TRAF3IP3: variants seen among roughly 807,000 people sequenced by gnomAD.
TRAF3IP3 encodes TRAF3-interacting JNK-activating modulator.
TRAF3IP3 carries 64 observed loss-of-function variants against 86.5 expected under a neutral mutation model. The observed-to-expected ratio is 0.74, with a 90% confidence interval of 0.60 to 0.91. The LOEUF (loss-of-function observed/expected upper bound fraction) is 0.91. TRAF3IP3 is among the 40% of genes least tolerant of loss of function. The pLI, the probability that TRAF3IP3 is intolerant of heterozygous loss-of-function variation, is 0.00. For missense variants in TRAF3IP3, 579 were observed against 642.9 expected (o/e 0.90, Z 1.07); for synonymous variants, 220 against 243.9 (o/e 0.90, Z 0.91).
chr1:209,781,438 A>T lies in TRAF3IP3; in HGVS notation c.1543A>T (p.Ser515Cys). Residue 515 changes from serine (S) to cysteine (C), a missense_variant, in exon 16 of 17, where the codon AGC becomes TGC. Ser to Cys is a moderately radical substitution (Grantham distance 112, BLOSUM62 -1). Transcript: ENST00000367025. ...LQHCREELNQ[S>C]QQLPPRRQCG... ...GCACTGTCGAGAAGAGCTGAACCAG[A>T]GCCAGCAGCTGCCTCCCAGAGTAAG... 6.2e-7 allele frequency: 1 copy of T among 1,613,436 alleles called. No individual in the cohort carries two copies. The highest frequency in any genetic ancestry group is 1.1e-5 in the South Asian group (1 of 91,060).
chr1:209,763,951 G>A (rs1045776095), intron 8 of TRAF3IP3, among the ~76,000 whole-genome samples: 3 of 152,092 alleles, frequency 2.0e-5, no homozygotes, highest in African/African-American at 7.2e-5. Flanking sequence ...GATATTTATC[G>A]AAACCAGCAT....
At position 209,780,597 on chromosome 1, in the gene TRAF3IP3, G is replaced by C; in HGVS notation, c.1440G>C (p.Lys480Asn). The C allele has an allele frequency of 6.3e-7, 1 of 1,587,746 alleles. No homozygotes were observed. The highest frequency in any genetic ancestry group is 8.6e-7 in the Non-Finnish European group (1 of 1,164,502). Residue 480 changes from lysine to asparagine, a missense_variant, in exon 15 of 17, where the codon AAG becomes AAC. Transcript: ENST00000367025. ...LQKKTLQLQA[K>N]EKECRELHSE... ...AGAAGACTTTGCAGCTCCAGGCCAA[G>C]GAAAAGGAGGTGAGAGGGTGACCTG...
chr1:209,763,619 T>TCA (rs34406510), intron 8 of TRAF3IP3, 32 bp downstream of exon 8: 402,401 of 1,559,776 alleles, frequency 0.26, 59,565 homozygotes, highest in African/African-American at 0.67. Flanking sequence ...TGAACAAAGC[T>TCA]TGGGCTTCTA....
intron 13 of TRAF3IP3, 39 bp from the exon 14 acceptor site, chr1:209,779,276 A>G (rs1184263722): frequency 3.2e-6 from 5 of 1,586,564 alleles, no homozygotes; most frequent in Non-Finnish European, 4.3e-6. Context: ...TTTGTAGTAA[A>G]TATGCTAGCA....
Position 209,773,006 on chromosome 1 carries a change from A to T in TRAF3IP3, c.761A>T (p.Tyr254Phe). 1 of 1,613,320 alleles carries T rather than the reference A, an allele frequency of 6.2e-7. No homozygotes were observed. The highest frequency in any genetic ancestry group is 8.5e-7 in the Non-Finnish European group (1 of 1,179,598). Reference protein sequence around the residue: ...GKLRSLENQLYTCTQKYSPWG... With the variant: ...GKLRSLENQLFTCTQKYSPWG... ...CTGAGATCCTTAGAAAACCAGCTAT[A>T]CACCTGTACCCAGGTAAGCATTCTG... Residue 254 changes from tyrosine to phenylalanine, a missense_variant, in exon 9 of 17, where the codon TAC (tyrosine) becomes TTC (phenylalanine). Coordinates refer to ENST00000367025, the MANE Select transcript of TRAF3IP3 (RefSeq NM_025228.4).
intron 3 of TRAF3IP3, among the ~76,000 whole-genome samples, chr1:209,761,208 C>T (rs1244689911): frequency 2.0e-5 from 3 of 152,194 alleles, no homozygotes; most frequent in African/African-American, 4.8e-5. Context: ...TATTAAATCA[C>T]TTGACTATAG....
chr1:209,768,761 C>A (rs938914252), intron 8 of TRAF3IP3: 1 of 933,066 alleles, frequency 1.1e-6, no homozygotes, highest in Non-Finnish European at 1.3e-6. Context: ...CAGCAGTAGG[C>A]CTGTAAAAAG....
At chr1:209,777,734 C>G (rs2077688616) in intron 12 of TRAF3IP3, 4 of 513,808 alleles carry the variant, frequency 7.8e-6, no homozygotes, top group Non-Finnish European at 1.4e-5. Context: ...GCCCATCCCT[C>G]TGGGCCAGAT....
chr1:209,765,228 A>AC (rs2077328574), intron 8 of TRAF3IP3, among the ~76,000 whole-genome samples: 1 of 21,254 alleles, frequency 4.7e-5, no homozygotes, highest in African/African-American at 1.5e-4. Flanking sequence ...AGAGAGAGAG[A>AC]GGAAGGAAGG....
chr1:209,770,803 G>A (rs1178488515), intron 8 of TRAF3IP3, among the ~76,000 whole-genome samples: 2 of 138,364 alleles, frequency 1.4e-5, no homozygotes, highest in Admixed American at 7.2e-5. Context: ...GCATATGGAG[G>A]TGTGTGTGTG....
In TRAF3IP3 at chr1:209,780,662, G is replaced by A. The variant is rs75977469; in HGVS notation, c.1449+56G>A. 341 of 1,432,210 alleles carry A rather than the reference G, an allele frequency of 2.4e-4. 2 individuals carry two copies. In the African/African-American group the frequency reaches 4.6e-3, roughly 19 times the overall value. The allele number at this position is 1,432,210 out of a possible 1,614,324, so 88.7% of individuals were successfully genotyped here. On this transcript the variant is annotated intron_variant, in intron 15 of 16. Coordinates refer to ENST00000367025, the MANE Select transcript of TRAF3IP3 (RefSeq NM_025228.4). ...CATTTGCGAAATAGCAGAGAAACCT[G>A]GGAGGCAGTCAAAAAGCAGGGATTT...
intron 8 of TRAF3IP3, among the ~76,000 whole-genome samples, chr1:209,771,685 A>G (rs1472850681): frequency 5.3e-5 from 6 of 113,454 alleles, no homozygotes; most frequent in African/African-American, 2.2e-4. Context: ...AGGTGGAGGT[A>G]CGTGTGTGCA....
chr1:209,760,497 A>G, intron 3 of TRAF3IP3, 113 bp downstream of exon 3: 2 of 897,688 alleles, frequency 2.2e-6, no homozygotes, highest in Non-Finnish European at 3.3e-6. Flanking sequence ...CTTCTTCCTC[A>G]GTCATATAGT....
intron 9 of TRAF3IP3, 169 bp from the exon 10 acceptor site, chr1:209,775,180 T>C (rs1251779637): frequency 1.5e-6 from 1 of 658,498 alleles, no homozygotes; most frequent in Non-Finnish European, 2.6e-6. Context: ...TCATCTCTCA[T>C]TGCCTGAGGG....
intron 1 of TRAF3IP3, among the ~76,000 whole-genome samples, chr1:209,757,456 A>T (rs910462077): frequency 1.3e-5 from 2 of 152,236 alleles, no homozygotes; most frequent in Non-Finnish European, 2.9e-5. Flanking sequence ...TGACACAGGC[A>T]GACCCCATCT....
At chr1:209,778,361 G>T in intron 13 of TRAF3IP3, 188 bp downstream of exon 13, 3 of 508,666 alleles carry the variant, frequency 5.9e-6, no homozygotes, top group Non-Finnish European at 1.0e-5. Context: ...GTTAGCCTCT[G>T]TTCTTTTTTT....
rs749852050 is a variant in TRAF3IP3, at chr1:209,763,408, C to A, written c.606+16C>A. ...TTACCTCAAAGTAAGTGGCATGTGA[C>A]CCCTCCCCTCAGTTCCTCCATCCAC... On this transcript the variant is annotated intron_variant, in intron 7 of 16. Transcript: ENST00000367025. The A allele has an allele frequency of 1.2e-6, 2 of 1,613,758 alleles. No individual in the cohort carries two copies. The highest frequency in any genetic ancestry group is 1.7e-4 in the Middle Eastern group (1 of 6,012).
intron 8 of TRAF3IP3, 143 bp downstream of exon 8, chr1:209,763,730 T>A: frequency 1.4e-6 from 1 of 697,296 alleles, no homozygotes; most frequent in Non-Finnish European, 2.5e-6. Context: ...ATGAGGGGGA[T>A]GGTGCTCAGA....
chr1:209,763,079 C>T lies in TRAF3IP3; in HGVS notation c.563C>T (p.Ala188Val). 6.2e-7 allele frequency: 1 copy of T among 1,613,344 alleles called. No homozygotes were observed. The highest frequency in any genetic ancestry group is 8.5e-7 in the Non-Finnish European group (1 of 1,179,522). ...DASQQTNYGV[A>V]VLDKEIIQLS... ...TCTTCTCTTTCCAGTTACGGAGTTG[C>T]AGTTCTGGATAAGGTAAGCACATAT... The change falls in exon 6 of 17, where the codon GCA becomes GTA. Residue 188 changes from alanine to valine, a missense_variant. Transcript: ENST00000367025.
Sources: gnomAD v4.1 joint callset for allele counts (sites outside exome capture counted in the v4.1 genomes callset) on GRCh38, gnomAD v4.1.1 for gene constraint, MANE v1.5 for transcripts, NCBI Gene and HGNC (gene_info 2026-07-23, HGNC 2026-07-21) for gene names.